The following ROBO2 variants were observed in gnomAD, a reference collection of about 807,000 sequenced individuals.
ROBO2 encodes roundabout guidance receptor 2.
ROBO2 carries 53 observed loss-of-function variants against 160.8 expected under a neutral mutation model. The observed-to-expected ratio is 0.33, with a 90% confidence interval of 0.26 to 0.41. The LOEUF (loss-of-function observed/expected upper bound fraction) is 0.41, where lower values mean the gene tolerates loss of function less well. Among genes scored for constraint, ROBO2 ranks in the 10% least tolerant of loss-of-function variants. The pLI is 1.00. For synonymous variants in ROBO2, 664 were observed against 611.7 expected (o/e 1.09, Z -1.26); for missense variants, 1,577 against 1,722.4 (o/e 0.92, Z 1.49).
intron 2 of ROBO2, among the ~76,000 whole-genome samples, chr3:76,121,587 G>A (rs538246079): frequency 6.6e-6 from 1 of 152,292 alleles, no homozygotes; most frequent in African/African-American, 2.4e-5. Context: ...TTTGGGACAT[G>A]TGCTGCCTAC....
intron 2 of ROBO2, among the ~76,000 whole-genome samples, chr3:77,004,382 G>T (rs926823982): frequency 6.6e-6 from 1 of 152,128 alleles, no homozygotes; most frequent in African/African-American, 2.4e-5. Context: ...GTTCTTTGTT[G>T]CTTGCTGGCA....
chr3:76,751,597 A>G (rs2060653084), intron 2 of ROBO2, among the ~76,000 whole-genome samples: 1 of 152,176 alleles, frequency 6.6e-6, no homozygotes, highest in East Asian at 1.9e-4. Flanking sequence ...TTTATAAGAG[A>G]AAATCAAACA....
At chr3:77,481,951 A>G (rs1184188406) in intron 4 of ROBO2, among the ~76,000 whole-genome samples, 1 of 152,150 alleles carries the variant, frequency 6.6e-6, no homozygotes, top group African/African-American at 2.4e-5. Context: ...AGAGAGAGAA[A>G]ATGACAAAAA....
At chr3:75,985,921 C>G (rs2065401296) in intron 2 of ROBO2, among the ~76,000 whole-genome samples, 1 of 151,568 alleles carries the variant, frequency 6.6e-6, no homozygotes, top group Non-Finnish European at 1.5e-5. Context: ...TTTGTGTACA[C>G]CACATTTTGC....
intron 2 of ROBO2, among the ~76,000 whole-genome samples, chr3:76,793,396 C>T (rs1228061066): frequency 6.6e-6 from 1 of 151,776 alleles, no homozygotes; most frequent in Non-Finnish European, 1.5e-5. Flanking sequence ...GCTTTGGTCA[C>T]ATGGTCACTT....
At chr3:76,035,924 G>T (rs1004786367) in intron 2 of ROBO2, among the ~76,000 whole-genome samples, 3 of 151,866 alleles carry the variant, frequency 2.0e-5, no homozygotes, top group Non-Finnish European at 4.4e-5. Flanking sequence ...ATGGAAAAAC[G>T]CAAGACCCTC....
chr3:76,827,067 G>A (rs191984459), intron 2 of ROBO2, among the ~76,000 whole-genome samples: 1 of 152,238 alleles, frequency 6.6e-6, no homozygotes. Context: ...TACGGTTATG[G>A]CTTCCCTTTT....
At chr3:76,759,915 C>T (rs1029949858) in intron 2 of ROBO2, among the ~76,000 whole-genome samples, 20 of 151,898 alleles carry the variant, frequency 1.3e-4, no homozygotes, top group South Asian at 1.0e-3. Flanking sequence ...TTTACTCAGG[C>T]TGTCATAACC....
chr3:76,148,347 A>C (rs2071999734), intron 2 of ROBO2, among the ~76,000 whole-genome samples: 1 of 151,898 alleles, frequency 6.6e-6, no homozygotes. Flanking sequence ...ATCTAGTGGG[A>C]TAATTTTTCC....
At chr3:77,012,504 C>T (rs2061982156) in intron 2 of ROBO2, among the ~76,000 whole-genome samples, 1 of 152,072 alleles carries the variant, frequency 6.6e-6, no homozygotes, top group African/African-American at 2.4e-5. Flanking sequence ...AGTATGTATG[C>T]TTTGTTGTGA....
intron 4 of ROBO2, among the ~76,000 whole-genome samples, chr3:77,490,411 T>A (rs1343061013): frequency 6.6e-6 from 1 of 152,170 alleles, no homozygotes; most frequent in East Asian, 1.9e-4. Context: ...TTTAAGAGAA[T>A]TTTGGCATTT....
At chr3:76,202,310 AT>A (rs1337311233) in intron 2 of ROBO2, among the ~76,000 whole-genome samples, 1 of 152,210 alleles carries the variant, frequency 6.6e-6, no homozygotes, top group African/African-American at 2.4e-5. Flanking sequence ...TTCTGCAAAA[AT>A]ATAAATTGTT....
At chr3:77,336,935 G>T (rs1016851382) in intron 2 of ROBO2, among the ~76,000 whole-genome samples, 1 of 152,260 alleles carries the variant, frequency 6.6e-6, no homozygotes, top group African/African-American at 2.4e-5. Context: ...CTTTTGTTTT[G>T]CTAAATTCGG....
At chr3:76,398,116 A>C (rs2077575917) in intron 2 of ROBO2, among the ~76,000 whole-genome samples, 1 of 152,138 alleles carries the variant, frequency 6.6e-6, no homozygotes. Flanking sequence ...AAAATGTGGC[A>C]CATATACAGC....
intron 6 of ROBO2, among the ~76,000 whole-genome samples, chr3:77,536,222 GGCCAC>G (rs2092089232): frequency 6.6e-6 from 1 of 152,064 alleles, no homozygotes; most frequent in Non-Finnish European, 1.5e-5. Flanking sequence ...GACTGCCACA[GGCCAC>G]AAAGAAGCAG....
At chr3:76,939,094 T>C (rs2077974758) in intron 2 of ROBO2, among the ~76,000 whole-genome samples, 1 of 151,698 alleles carries the variant, frequency 6.6e-6, no homozygotes, top group African/African-American at 2.4e-5. Context: ...AATGGAAAGA[T>C]AATATTTGTA....
At chr3:76,206,527 C>G (rs912879806) in intron 2 of ROBO2, among the ~76,000 whole-genome samples, 1 of 151,950 alleles carries the variant, frequency 6.6e-6, no homozygotes, top group African/African-American at 2.4e-5. Context: ...GTTAAAAGTT[C>G]AGAGTGCCTC....
At chr3:77,621,227 A>T (rs1308476555) in intron 22 of ROBO2, among the ~76,000 whole-genome samples, 1 of 152,152 alleles carries the variant, frequency 6.6e-6, no homozygotes, top group East Asian at 1.9e-4. Context: ...GGAGTTTCAG[A>T]CCAACCTAGA....
chr3:76,913,678 A>G (rs1430264304), intron 2 of ROBO2, among the ~76,000 whole-genome samples: 1 of 152,202 alleles, frequency 6.6e-6, no homozygotes, highest in Non-Finnish European at 1.5e-5. Flanking sequence ...CGTGGCAATT[A>G]CTACAATTCA....
Sources: allele counts gnomAD v4.1 joint callset (sites outside exome capture counted in the v4.1 genomes callset), GRCh38; gene constraint gnomAD v4.1.1; transcripts MANE v1.5; gene names NCBI Gene and HGNC (gene_info 2026-07-23, HGNC 2026-07-21).